Variants in HECTD3 observed in about 807,000 individuals in gnomAD.
HECTD3 encodes the protein HECT domain E3 ubiquitin protein ligase 3, also known as E3 ubiquitin-protein ligase HECTD3.
In HECTD3, 72 loss-of-function variants were observed where a neutral mutation model predicts 109.3. The observed-to-expected ratio is 0.66, with a 90% CI of 0.54 to 0.80. HECTD3 has a LOEUF of 0.80. Among genes scored for constraint, HECTD3 ranks in the 30% least tolerant of loss-of-function variants. HECTD3 has a pLI of 0.00. For synonymous variants in HECTD3, 481 were observed against 471.8 expected, an observed-to-expected ratio of 1.02 and a Z score of -0.25; for missense variants, 1,041 against 1,165.2, an observed-to-expected ratio of 0.89 and a Z score of 1.55.
At position 45,009,200 on chromosome 1, in the gene HECTD3, A is replaced by G. The variant is rs1418098347; in HGVS notation, c.1016T>C (p.Leu339Pro). 1 of 1,613,874 alleles carries G rather than the reference A, an allele frequency of 6.2e-7. No individual in the cohort carries two copies. Among genetic ancestry groups the G allele is most frequent in the Non-Finnish European group, 8.5e-7 (1 of 1,179,884 alleles). Residue 339 changes from leucine to proline, a missense_variant, in exon 7 of 21, where the codon CTG becomes CCG. Physicochemically the swap from Leu to Pro is moderately conservative, Grantham distance 98. Transcript: ENST00000372172. Reference protein sequence around the residue: ...DETLIGDVCVLEDMTVHLPII... With the variant: ...DETLIGDVCVPEDMTVHLPII... Reference sequence around the variant, plus strand: ...CGGGAGGTGGACGGTCATGTCCTCCAGGACACAGACATCCCCGATGAGGGT... The same window carrying G: ...CGGGAGGTGGACGGTCATGTCCTCCGGGACACAGACATCCCCGATGAGGGT...
At chr1:45,009,033 C>A in intron 7 of HECTD3, 111 bp downstream of exon 7, 1 of 890,470 alleles carries the variant, frequency 1.1e-6, no homozygotes, top group Non-Finnish European at 1.8e-6. Flanking sequence ...GTTAGTTCAG[C>A]ATCGCCTTCA....
intron 15 of HECTD3, 86 bp from the exon 16 acceptor site, chr1:45,004,892 A>G (rs1644721357): frequency 1.6e-6 from 2 of 1,253,670 alleles, no homozygotes; most frequent in African/African-American, 2.9e-5. Flanking sequence ...AGGGAAGCAG[A>G]GACAGCCAGG....
chr1:45,009,041 T>TCACC, intron 7 of HECTD3, 103 bp downstream of exon 7: 1 of 963,736 alleles, frequency 1.0e-6, no homozygotes, highest in Non-Finnish European at 1.7e-6. Context: ...AGCATCGCCT[T>TCACC]CACCCCAACT....
Position 45,008,620 on chromosome 1 carries a change from A to C in HECTD3, c.1154T>G (p.Phe385Cys), listed in dbSNP as rs1257805829. Reference sequence around the variant, plus strand: ...ATATCGCACCAGACTAGTTGGCTGGAACAGGTCTGCATTCAACCCTAGTTC... The same window carrying C: ...ATATCGCACCAGACTAGTTGGCTGGCACAGGTCTGCATTCAACCCTAGTTC... ...QRELGLNADLFQPTSLVRYPR... is the reference protein window; with the variant it reads ...QRELGLNADLCQPTSLVRYPR... Residue 385 changes from phenylalanine (F) to cysteine (C), a missense_variant, in exon 8 of 21, where the codon TTC becomes TGC. This residue lies in a region of HECTD3 where 569 missense variants were observed against 715.3 expected (regional missense o/e 0.80). Transcript: ENST00000372172. The C allele has an allele frequency of 1.2e-6, 2 of 1,614,056 alleles. No homozygotes were observed. Among genetic ancestry groups the C allele is most frequent in the Non-Finnish European group, 1.7e-6 (2 of 1,179,976 alleles).
chr1:45,008,585 C>G lies in HECTD3; in HGVS notation c.1189G>C (p.Glu397Gln). 6.2e-7 allele frequency: 1 copy of G among 1,614,066 alleles called. No homozygotes were observed. Among genetic ancestry groups the G allele is most frequent in the East Asian group, 2.2e-5 (1 of 44,884 alleles). The change falls in exon 8 of 21, where the codon GAA (glutamate) becomes CAA (glutamine). Residue 397 changes from glutamate (E) to glutamine (Q), a missense_variant. By Grantham distance (29) the Glu-to-Gln change is conservative (BLOSUM62 2). Around this residue, in one of 2 missense-constraint regions of HECTD3, gnomAD observed 569 missense variants for 715.3 expected, o/e 0.80. Transcript: ENST00000372172. ...TACAGTACTTCAGGGTCGGTGCCTT[C>G]TAGGCGTGGATATCGCACCAGACTA... ...PTSLVRYPRL[E>Q]GTDPEVLYRR... is the part of the protein sequence containing the mutation.
intron 16 of HECTD3, 110 bp from the exon 17 acceptor site, chr1:45,004,487 G>A (rs917705229): frequency 1.9e-5 from 31 of 1,593,390 alleles, no homozygotes; most frequent in East Asian, 4.5e-5. Flanking sequence ...CTGAGGAATG[G>A]TGGGGGCCAG....
Position 45,003,643 on chromosome 1 carries a change from CA to C in HECTD3, c.2501+25del. On this transcript the variant is annotated intron_variant, in intron 20 of 20. Coordinates refer to ENST00000372172, the MANE Select transcript of HECTD3 (RefSeq NM_024602.6). The surrounding 1 kb of genome is among the most constrained non-coding windows in gnomAD (Gnocchi z 4.7). The stretch of plus-strand genomic sequence containing the variant: ...AGGGGTGATGGGGTCCCCTGGGCCC[CA>C]AATCGAGCCTAGGAAAAAACCCACC... 1 of 1,614,014 alleles carries C rather than the reference CA, an allele frequency of 6.2e-7. No homozygotes were observed. Among genetic ancestry groups the C allele is most frequent in the Non-Finnish European group, 8.5e-7 (1 of 1,179,902 alleles).
Position 45,004,254 on chromosome 1 carries a change from T to G in HECTD3, c.2266A>C (p.Lys756Gln). 6.2e-7 allele frequency: 1 copy of G among 1,614,014 alleles called. No individual in the cohort carries two copies. Residue 756 changes from lysine to glutamine, a missense_variant, in exon 17 of 21, where the codon AAG (lysine) becomes CAG (glutamine). By Grantham distance (53) the Lys-to-Gln change is moderately conservative. This residue lies in a region of HECTD3 where 569 missense variants were observed against 715.3 expected (regional missense o/e 0.80). Coordinates refer to ENST00000372172, the MANE Select transcript of HECTD3 (RefSeq NM_024602.6). Reference protein sequence around the residue: ...DPEVTVDALRKLTRFEDFEPS... With the variant: ...DPEVTVDALRQLTRFEDFEPS... ...CCTGCCTTGGGGAACTCACTGAGCT[T>G]GCGCAGAGCATCCACAGTGACCTCT... is the stretch of plus-strand genomic sequence containing the variant.
At chr1:45,008,794 T>G (rs957153064) in intron 7 of HECTD3, 93 bp from the exon 8 acceptor site, 2 of 1,236,498 alleles carry the variant, frequency 1.6e-6, no homozygotes, top group African/African-American at 2.9e-5. Context: ...CTCAGCCTTG[T>G]GTCACCGTTA....
At chr1:45,009,947 C>T in intron 4 of HECTD3, 39 bp downstream of exon 4, 1 of 1,517,696 alleles carries the variant, frequency 6.6e-7, no homozygotes, top group Non-Finnish European at 8.8e-7. Context: ...AGGGGTGTGA[C>T]TATATCTTGC....
At chr1:45,005,019 G>A (rs746153773) in intron 15 of HECTD3, 16 of 603,678 alleles carry the variant, frequency 2.7e-5, no homozygotes, top group Admixed American at 5.6e-5. Flanking sequence ...GTGGAAAATG[G>A]TGTCTCAGCT....
In HECTD3 at chr1:45,010,638, C is replaced by T. The variant is rs1057257588; in HGVS notation, c.438G>A (p.Ala146=). 1 of 1,606,086 alleles carries T rather than the reference C, an allele frequency of 6.2e-7. No individual in the cohort carries two copies. Among genetic ancestry groups the T allele is most frequent in the Non-Finnish European group, 8.5e-7 (1 of 1,178,084 alleles). ...QEGWLLVCRP[A]EGGARLVPID... is the part of the protein sequence containing the mutation. ...TGGGTACCAGGCGGGCTCCGCCCTC[C>T]GCCGGGCGGCACACCAGCAGCCAGC... is the stretch of plus-strand genomic sequence containing the variant. The change falls in exon 2 of 21, where the codon GCG becomes GCA. Residue 146 remains alanine, a synonymous_variant. Transcript: ENST00000372172.
At position 45,008,224 on chromosome 1, in the gene HECTD3, G is replaced by A; in HGVS notation, c.1320+16C>T. Reference sequence around the variant, plus strand: ...AAGGGGAAATGCCAAGACCAGCACTGGCTGGGTCGGCTCACCTTAATCTCA... The same window carrying A: ...AAGGGGAAATGCCAAGACCAGCACTAGCTGGGTCGGCTCACCTTAATCTCA... On this transcript the variant is annotated intron_variant, in intron 9 of 20. Transcript: ENST00000372172. The A allele has an allele frequency of 6.2e-7, 1 of 1,605,354 alleles. No individual in the cohort carries two copies. Among genetic ancestry groups the A allele is most frequent in the South Asian group, 1.1e-5 (1 of 90,872 alleles).
In HECTD3 at chr1:45,008,519, T is replaced by C; in HGVS notation, c.1238+17A>G. The C allele has an allele frequency of 6.2e-7, 1 of 1,611,332 alleles. No homozygotes were observed. Among genetic ancestry groups the C allele is most frequent in the Non-Finnish European group, 8.5e-7 (1 of 1,177,900 alleles). ...TTGGGGGAAGGGAAGGGCCCATAGGTCCAGGACCACAGCCACCTCTGCAGG... is the reference window on the plus strand; with the variant it reads ...TTGGGGGAAGGGAAGGGCCCATAGGCCCAGGACCACAGCCACCTCTGCAGG... On this transcript the variant is annotated intron_variant, in intron 8 of 20. Transcript: ENST00000372172.
intron 4 of HECTD3, 66 bp from the exon 5 acceptor site, chr1:45,009,749 G>T: frequency 7.6e-7 from 1 of 1,309,512 alleles, no homozygotes; most frequent in South Asian, 1.2e-5. Context: ...TTGTGCTCTG[G>T]GCCAGGAGCA....
chr1:45,004,197 C>A, intron 17 of HECTD3, 51 bp downstream of exon 17: 1 of 1,614,092 alleles, frequency 6.2e-7, no homozygotes, highest in Non-Finnish European at 8.5e-7. Flanking sequence ...TGAGCCCCAA[C>A]CCCTGTGCTG....
chr1:45,008,515 T>C (rs371552360), intron 8 of HECTD3, 21 bp downstream of exon 8: 312 of 1,609,414 alleles, frequency 1.9e-4, no homozygotes, highest in Non-Finnish European at 2.6e-4. Context: ...GAAGGGCCCA[T>C]AGGTCCAGGA....
In HECTD3 at chr1:45,006,149, G is replaced by A; in HGVS notation, c.1726-33C>T. ...AGAGACAGAGCTGTGAGTGTGGCAT[G>A]AGATACACCCTATTTTCCTGGCCCA... is the stretch of plus-strand genomic sequence containing the variant. On this transcript the variant is annotated intron_variant, in intron 13 of 20. Coordinates refer to ENST00000372172, the MANE Select transcript of HECTD3 (RefSeq NM_024602.6). This position sits in a 1 kb window ranked among gnomAD's most constrained non-coding sequence, Gnocchi z 4.7. 1 of 1,604,768 alleles carries A rather than the reference G, an allele frequency of 6.2e-7. No homozygotes were observed.
chr1:45,003,522 G>A lies in HECTD3; in HGVS notation c.2556C>T (p.Ile852=), dbSNP rs1644708656. The change falls in exon 21 of 21, where the codon ATC becomes ATT. Residue 852 remains isoleucine (I), a synonymous_variant. Coordinates refer to ENST00000372172, the MANE Select transcript of HECTD3 (RefSeq NM_024602.6). This position sits in a 1 kb window ranked among gnomAD's most constrained non-coding sequence, Gnocchi z 4.7. ...CCTCCCAAGGGCTCATGTCAGTGTC[G>A]ATGGCCACGCAGTTGTAGGCCGCAT... The part of the protein sequence containing the change: ...LRYAAYNCVA[I]DTDMSPWEE The A allele has an allele frequency of 5.6e-6, 9 of 1,614,190 alleles. No homozygotes were observed. The East Asian group carries it at 8.9e-5, about 16-fold the overall frequency.
Sources: allele counts gnomAD v4.1 joint callset, GRCh38; gene constraint gnomAD v4.1.1; regional missense constraint gnomAD v4.1.1; non-coding constraint Gnocchi (gnomAD v3.1); transcripts MANE v1.5; gene names NCBI Gene and HGNC (gene_info 2026-07-23, HGNC 2026-07-21).